Variants in AMOTL1 observed in about 807,000 individuals in gnomAD.
AMOTL1 encodes angiomotin-like protein 1.
A neutral mutation model predicts 102.9 loss-of-function variants in AMOTL1; 45 were observed. That is an observed-to-expected ratio of 0.44 (90% CI 0.34 to 0.56). AMOTL1 has a LOEUF of 0.56. Among genes scored for constraint, AMOTL1 ranks in the 20% least tolerant of loss-of-function variants. The pLI, the probability that AMOTL1 is intolerant of heterozygous loss-of-function variation, is 0.01. For synonymous variants in AMOTL1, 481 were observed against 484.7 expected, an observed-to-expected ratio of 0.99 and a Z score of 0.10; for missense variants, 1,114 against 1,225.6, an observed-to-expected ratio of 0.91 and a Z score of 1.36.
intron 3 of AMOTL1, among the ~76,000 whole-genome samples, chr11:94,815,809 T>C (rs1227547707): frequency 6.6e-6 from 1 of 152,100 alleles, no homozygotes; most frequent in Non-Finnish European, 1.5e-5. Context: ...GAATCTTGTA[T>C]GGTAAATTTT....
chr11:94,807,423 T>A (rs1449266534), intron 3 of AMOTL1, among the ~76,000 whole-genome samples: 3 of 152,184 alleles, frequency 2.0e-5, no homozygotes, highest in Non-Finnish European at 4.4e-5. Context: ...CAATGCTGAT[T>A]TTTTGGTTTA....
intron 2 of AMOTL1, chr11:94,740,814 A>G (rs1950510755): frequency 1.4e-6 from 1 of 729,374 alleles, no homozygotes; most frequent in Admixed American, 2.4e-5. Context: ...CGGCTCAGGG[A>G]TTCTGAGCGC....
At chr11:94,731,705 CT>C (rs1292487455) in intron 2 of AMOTL1, among the ~76,000 whole-genome samples, 4 of 152,110 alleles carry the variant, frequency 2.6e-5, no homozygotes, top group African/African-American at 4.8e-5. Flanking sequence ...AAAAATTGGC[CT>C]GAAGAGGCTG....
Position 94,751,227 on chromosome 11 carries a change from A to G in AMOTL1, c.136+10239A>G, listed in dbSNP as rs530789642. 3.2e-3 allele frequency among the ~76,000 whole-genome samples: 493 copies of G among 151,906 alleles called. 5 individuals carry two copies. The highest frequency in any genetic ancestry group is 0.011 in the African/African-American group (454 of 41,462). On this transcript the variant is annotated intron_variant, in intron 3 of 4. Transcript: ENST00000299004. ...GGTAGGCACTCAAAACTATATATAT[A>G]TATTTTTTTTATTTTTTAGACCACC...
Position 94,729,558 on chromosome 11 carries a change from G to A in AMOTL1, c.85+503G>A, listed in dbSNP as rs892905771. ...ATGTGACTCAGCATTAAATGATGGA[G>A]ATATTGTTACTTTCCTGGAGCAGAG... On this transcript the variant is annotated intron_variant, in intron 2 of 4. Transcript: ENST00000299004. Among the ~76,000 whole-genome samples, 3 of 152,106 alleles carry A rather than the reference G, an allele frequency of 2.0e-5. No homozygotes were observed. In the East Asian group the frequency reaches 5.8e-4, roughly 29 times the overall value.
intron 1 of AMOTL1, among the ~76,000 whole-genome samples, chr11:94,777,854 G>C (rs1410951186): frequency 6.6e-6 from 1 of 152,160 alleles, no homozygotes; most frequent in Non-Finnish European, 1.5e-5. Flanking sequence ...ACTCTGCTTT[G>C]TACAAGTCAA....
At chr11:94,862,266 CCT>C (rs1488045921) in intron 9 of AMOTL1, among the ~76,000 whole-genome samples, 1 of 152,228 alleles carries the variant, frequency 6.6e-6, no homozygotes, top group East Asian at 1.9e-4. Flanking sequence ...TCAAAGAAAA[CCT>C]CTGTCATTTC....
chr11:94,753,359 G>C (rs1171678887), intron 3 of AMOTL1, among the ~76,000 whole-genome samples: 1 of 134,244 alleles, frequency 7.4e-6, no homozygotes, highest in Non-Finnish European at 1.5e-5. Flanking sequence ...TCACTCTCAA[G>C]TATGGCTTCT....
chr11:94,747,144 A>G (rs1013755087), intron 3 of AMOTL1, among the ~76,000 whole-genome samples: 1 of 152,142 alleles, frequency 6.6e-6, no homozygotes, highest in African/African-American at 2.4e-5. Context: ...TTAGTTTTTT[A>G]GTATAAAAGC....
intron 6 of AMOTL1, among the ~76,000 whole-genome samples, chr11:94,839,244 G>C (rs1445629458): frequency 6.6e-6 from 1 of 152,230 alleles, no homozygotes; most frequent in East Asian, 1.9e-4. Context: ...AGGCCAGACC[G>C]GCTGTGGTCA....
At chr11:94,719,926 G>A (rs1338937737) in intron 1 of AMOTL1, among the ~76,000 whole-genome samples, 1 of 152,076 alleles carries the variant, frequency 6.6e-6, no homozygotes, top group Non-Finnish European at 1.5e-5. Flanking sequence ...TGCCCCCAGA[G>A]ATTCTGATTT....
At chr11:94,807,145 T>C (rs1951580491) in intron 3 of AMOTL1, among the ~76,000 whole-genome samples, 1 of 152,176 alleles carries the variant, frequency 6.6e-6, no homozygotes. Context: ...ATAACTCCCA[T>C]TCCGCCCCCC....
At chr11:94,707,013 G>A (rs2135421556) in intron 1 of AMOTL1, among the ~76,000 whole-genome samples, 1 of 152,160 alleles carries the variant, frequency 6.6e-6, no homozygotes, top group South Asian at 2.1e-4. Flanking sequence ...TCTCTGGAGA[G>A]CCTTGATTTG....
intron 9 of AMOTL1, among the ~76,000 whole-genome samples, chr11:94,861,260 C>T (rs1193007131): frequency 6.6e-6 from 1 of 152,050 alleles, no homozygotes; most frequent in Non-Finnish European, 1.5e-5. Context: ...CAGTTCAGTC[C>T]CTGCAGTATA....
intron 6 of AMOTL1, among the ~76,000 whole-genome samples, chr11:94,839,628 C>G (rs1477211274): frequency 6.6e-6 from 1 of 152,166 alleles, no homozygotes. Flanking sequence ...ATTAGTGTAG[C>G]GTTCACATTT....
At chr11:94,869,585 A>G in intron 12 of AMOTL1, 112 bp downstream of exon 12, 3 of 1,246,812 alleles carry the variant, frequency 2.4e-6, no homozygotes, top group East Asian at 2.6e-5. Flanking sequence ...CTCTTACTCT[A>G]TGGGGATGCT....
chr11:94,717,491 G>A (rs1198856867), intron 1 of AMOTL1, among the ~76,000 whole-genome samples: 1 of 151,632 alleles, frequency 6.6e-6, no homozygotes, highest in East Asian at 1.9e-4. Context: ...CAACCCAGTG[G>A]TATTGAGGGA....
intron 2 of AMOTL1, among the ~76,000 whole-genome samples, chr11:94,736,231 G>A (rs975957320): frequency 6.6e-6 from 1 of 152,074 alleles, no homozygotes; most frequent in Non-Finnish European, 1.5e-5. Context: ...CCTCTATGTG[G>A]GAAGAAAATG....
At chr11:94,738,604 A>C (rs543271416) in intron 2 of AMOTL1, among the ~76,000 whole-genome samples, 1 of 151,824 alleles carries the variant, frequency 6.6e-6, no homozygotes, top group Non-Finnish European at 1.5e-5. Flanking sequence ...AGATGGAAAG[A>C]AGGTGGAGAG....
Sources: allele counts gnomAD v4.1 joint callset (sites outside exome capture counted in the v4.1 genomes callset), GRCh38; gene constraint gnomAD v4.1.1; transcripts MANE v1.5; gene names NCBI Gene and HGNC (gene_info 2026-07-23, HGNC 2026-07-21).